TRHDE: variants seen among roughly 807,000 people sequenced by gnomAD.
The protein encoded by TRHDE is thyrotropin releasing hormone degrading enzyme.
A neutral mutation model predicts 125.7 loss-of-function variants in TRHDE; 72 were observed. The ratio of observed to expected loss-of-function variants is 0.57; its 90% CI spans 0.47 to 0.70. TRHDE has a LOEUF of 0.70. Among genes scored for constraint, TRHDE ranks in the 30% least tolerant of loss-of-function variants. The pLI is 0.00. For missense variants in TRHDE, 1,110 were observed against 1,327.1 expected (o/e 0.84, Z 2.54); for synonymous variants, 509 against 509.1 (o/e 1.00, Z 0.00).
chr12:72,254,202 A>C (rs1214215824), intron 2 of TRHDE: 1 of 151,968 alleles, frequency 6.6e-6, no homozygotes, highest in African/African-American at 2.4e-5. Context: ...CCTACAACCT[A>C]TTCATTCTAT....
At chr12:72,100,319 A>G (rs1875037463) in intron 1 of TRHDE, among the ~76,000 whole-genome samples, 1 of 152,196 alleles carries the variant, frequency 6.6e-6, no homozygotes, top group Non-Finnish European at 1.5e-5. Context: ...CCCCCTCGTT[A>G]CTTCTCAGAT....
At chr12:72,504,508 T>A (rs1237566811) in intron 6 of TRHDE, among the ~76,000 whole-genome samples, 2 of 152,094 alleles carry the variant, frequency 1.3e-5, no homozygotes. Context: ...TTCACCATAT[T>A]GGCCAGGCTG....
At chr12:72,232,180 C>G (rs750584341) in intron 2 of TRHDE, among the ~76,000 whole-genome samples, 4 of 152,152 alleles carry the variant, frequency 2.6e-5, no homozygotes, top group Non-Finnish European at 4.4e-5. Flanking sequence ...CAGGGTCAGT[C>G]AGGAGATAGA....
chr12:72,448,780 A>G (rs947219174), intron 3 of TRHDE, among the ~76,000 whole-genome samples: 3 of 151,786 alleles, frequency 2.0e-5, no homozygotes, highest in African/African-American at 7.3e-5. Context: ...AAGGAGACAT[A>G]TTATCACTAG....
At chr12:72,615,679 G>A (rs1872787126) in intron 12 of TRHDE, among the ~76,000 whole-genome samples, 1 of 152,076 alleles carries the variant, frequency 6.6e-6, no homozygotes, top group African/African-American at 2.4e-5. Flanking sequence ...GGCAATTTGA[G>A]TATAATCTGT....
intron 2 of TRHDE, among the ~76,000 whole-genome samples, chr12:72,170,492 T>C (rs1876848460): frequency 6.6e-6 from 1 of 152,166 alleles, no homozygotes; most frequent in African/African-American, 2.4e-5. Context: ...AGAATCTTTT[T>C]AATACTGATA....
chr12:72,635,349 G>A (rs1873691135), intron 15 of TRHDE, among the ~76,000 whole-genome samples: 1 of 152,064 alleles, frequency 6.6e-6, no homozygotes, highest in Non-Finnish European at 1.5e-5. Flanking sequence ...TGATGGGGTT[G>A]CTTGTTTTTT....
Position 72,513,708 on chromosome 12 carries a change from T to A in TRHDE, c.1722+14073T>A, listed in dbSNP as rs191576289. Among the ~76,000 whole-genome samples the A allele has an allele frequency of 8.5e-4, 130 of 152,120 alleles. 1 individual carries two copies. The East Asian group carries it at 0.016, about 18-fold the overall frequency. On this transcript the variant is annotated intron_variant, in intron 6 of 18. Coordinates refer to ENST00000261180, the MANE Select transcript of TRHDE (RefSeq NM_013381.3). Reference sequence around the variant, plus strand: ...CCTTGAAGACACAGAGATTTTTTTTTAAAAGTACAAAATCTGGCTTTTGTC... The same window carrying A: ...CCTTGAAGACACAGAGATTTTTTTTAAAAAGTACAAAATCTGGCTTTTGTC...
At chr12:72,168,435 A>C (rs952586904) in intron 2 of TRHDE, among the ~76,000 whole-genome samples, 3 of 152,166 alleles carry the variant, frequency 2.0e-5, no homozygotes, top group Admixed American at 2.0e-4. Context: ...TAGAGGTTGT[A>C]TGGTTCTGGG....
intron 2 of TRHDE, among the ~76,000 whole-genome samples, chr12:72,226,380 C>T (rs922739007): frequency 2.0e-5 from 3 of 152,148 alleles, no homozygotes; most frequent in Non-Finnish European, 4.4e-5. Context: ...TAGTGGTATT[C>T]CTTGCTGTTC....
intron 5 of TRHDE, among the ~76,000 whole-genome samples, chr12:72,480,503 G>T (rs1201890045): frequency 6.6e-6 from 1 of 152,160 alleles, no homozygotes; most frequent in African/African-American, 2.4e-5. Flanking sequence ...TTTAAACCTA[G>T]AGATTTAAAA....
At chr12:72,397,250 T>C (rs1872835001) in intron 3 of TRHDE, among the ~76,000 whole-genome samples, 1 of 152,188 alleles carries the variant, frequency 6.6e-6, no homozygotes, top group Non-Finnish European at 1.5e-5. Flanking sequence ...GGTTTTTGCC[T>C]TAAAAATAAT....
At chr12:72,198,572 G>A (rs901993180) in intron 2 of TRHDE, among the ~76,000 whole-genome samples, 1 of 152,016 alleles carries the variant, frequency 6.6e-6, no homozygotes, top group African/African-American at 2.4e-5. Flanking sequence ...ATTTTATAGT[G>A]AACTTTTGTT....
intron 2 of TRHDE, among the ~76,000 whole-genome samples, chr12:72,232,321 A>T (rs931657388): frequency 1.3e-5 from 2 of 152,096 alleles, no homozygotes; most frequent in African/African-American, 4.8e-5. Context: ...TGGCCTATAG[A>T]GGTGGTCCCT....
intron 2 of TRHDE, among the ~76,000 whole-genome samples, chr12:72,123,171 A>C (rs929698121): frequency 6.6e-6 from 1 of 152,158 alleles, no homozygotes; most frequent in African/African-American, 2.4e-5. Flanking sequence ...TGCTGTGTAC[A>C]CTAGAATGAA....
chr12:72,162,785 C>T (rs1213463449), intron 2 of TRHDE, among the ~76,000 whole-genome samples: 1 of 151,946 alleles, frequency 6.6e-6, no homozygotes, highest in Admixed American at 6.6e-5. Context: ...TGAGCAATTA[C>T]TTAAATTATC....
rs182628044 is a variant in TRHDE, at chr12:72,464,111, C to T, written c.1316-5647C>T. The stretch of plus-strand genomic sequence containing the variant: ...GGGGAGAGGCTTACACAAGGAGGCC[C>T]AGCACACTGGGGGCCTATCAAATGG... On this transcript the variant is annotated intron_variant, in intron 3 of 18. Transcript: ENST00000261180. Among the ~76,000 whole-genome samples, 684 of 152,216 alleles carry T rather than the reference C, an allele frequency of 4.5e-3. 6 individuals carry two copies. Among genetic ancestry groups the T allele is most frequent in the South Asian group, 0.013 (62 of 4,826 alleles).
At chr12:72,287,359 T>C (rs1464962564) in intron 2 of TRHDE, among the ~76,000 whole-genome samples, 2 of 152,166 alleles carry the variant, frequency 1.3e-5, no homozygotes, top group Non-Finnish European at 2.9e-5. Context: ...GTAAACTCCA[T>C]ACACCTACTA....
At chr12:72,612,612 TACTGATATTGATGCTTAGTATA>T (rs1179276611) in intron 12 of TRHDE, among the ~76,000 whole-genome samples, 1 of 152,170 alleles carries the variant, frequency 6.6e-6, no homozygotes. Flanking sequence ...GGCATAATAG[TACTGATATTGATGCTTAGTATA>T]AGTATTCTAA....
Sources: allele counts gnomAD v4.1 joint callset (sites outside exome capture counted in the v4.1 genomes callset), GRCh38; gene constraint gnomAD v4.1.1; transcripts MANE v1.5; gene names NCBI Gene and HGNC (gene_info 2026-07-23, HGNC 2026-07-21).